MORC1: variants seen among roughly 807,000 people sequenced by gnomAD.
MORC1 encodes MORC family CW-type zinc finger protein 1.
A neutral mutation model predicts 134.9 loss-of-function variants in MORC1; 59 were observed. The observed-to-expected ratio is 0.44, with a 90% CI of 0.35 to 0.54. The LOEUF is 0.54. Ranked by LOEUF, MORC1 falls within the 20% of genes least tolerant of loss-of-function variation. The pLI, the probability that MORC1 is intolerant of heterozygous loss-of-function variation, is 0.00. For missense variants in MORC1, 947 were observed against 1,134.5 expected, an observed-to-expected ratio of 0.83 and a Z score of 2.37; for synonymous variants, 395 against 391.7, an observed-to-expected ratio of 1.01 and a Z score of -0.10.
At chr3:109,002,268 G>T (rs894919785) in intron 20 of MORC1, among the ~76,000 whole-genome samples, 1 of 152,206 alleles carries the variant, frequency 6.6e-6, no homozygotes, top group Non-Finnish European at 1.5e-5. Context: ...ACACAACGCA[G>T]TCAGGCACTA....
rs779552576 is a variant in MORC1 at position 109,114,366 on chromosome 3, T to A, written c.119+18A>T. 4 of 1,599,736 alleles carry A rather than the reference T, an allele frequency of 2.5e-6. No individual in the cohort carries two copies. The highest frequency in any genetic ancestry group is 4.5e-5 in the East Asian group (2 of 44,586). ...CATGAAATTCCCTCAGTAACTGTTGTTTACAGATAAACCTTACCTTGCATT... is the reference window on the plus strand; with the variant it reads ...CATGAAATTCCCTCAGTAACTGTTGATTACAGATAAACCTTACCTTGCATT... On this transcript the variant is annotated intron_variant, in intron 2 of 27. Transcript: ENST00000232603.
At chr3:109,001,629 C>G (rs1426609864) in intron 20 of MORC1, among the ~76,000 whole-genome samples, 1 of 152,206 alleles carries the variant, frequency 6.6e-6, no homozygotes, top group Non-Finnish European at 1.5e-5. Context: ...GGTTTCTTCT[C>G]TTACTGCTCT....
At chr3:108,976,035 ATC>A (rs976138746) in intron 24 of MORC1, among the ~76,000 whole-genome samples, 5 of 152,190 alleles carry the variant, frequency 3.3e-5, no homozygotes, top group Admixed American at 2.0e-4. Flanking sequence ...TGACAATTCA[ATC>A]TGTTTTCAAA....
chr3:109,073,597 G>A (rs776455725), intron 8 of MORC1, among the ~76,000 whole-genome samples: 1 of 152,026 alleles, frequency 6.6e-6, no homozygotes, highest in Non-Finnish European at 1.5e-5. Context: ...CCCAACAACT[G>A]GGCTACTTTT....
chr3:109,099,692 G>A (rs1252913790), intron 5 of MORC1, among the ~76,000 whole-genome samples: 1 of 151,952 alleles, frequency 6.6e-6, no homozygotes, highest in Non-Finnish European at 1.5e-5. Flanking sequence ...AGGGGAAAGG[G>A]TCCATTCAGG....
At chr3:109,106,625 C>T (rs1377963220) in intron 3 of MORC1, among the ~76,000 whole-genome samples, 2 of 152,172 alleles carry the variant, frequency 1.3e-5, no homozygotes, top group Non-Finnish European at 2.9e-5. Flanking sequence ...TTCAGCTGTG[C>T]AAGTCAAAAC....
chr3:109,045,082 C>T (rs1949660745), intron 14 of MORC1, among the ~76,000 whole-genome samples: 1 of 152,056 alleles, frequency 6.6e-6, no homozygotes, highest in South Asian at 2.1e-4. Context: ...TAAACTACCA[C>T]AGCAAAGCTT....
intron 14 of MORC1, among the ~76,000 whole-genome samples, chr3:109,050,284 A>C (rs1034415097): frequency 1.3e-5 from 2 of 152,230 alleles, no homozygotes; most frequent in Admixed American, 6.5e-5. Flanking sequence ...CTATAGACTA[A>C]GTGGCTTATA....
intron 14 of MORC1, among the ~76,000 whole-genome samples, chr3:109,037,333 C>A (rs1949402470): frequency 6.6e-6 from 1 of 152,202 alleles, no homozygotes; most frequent in African/African-American, 2.4e-5. Flanking sequence ...GTGGAACTGT[C>A]TTGGTTCATC....
intron 3 of MORC1, among the ~76,000 whole-genome samples, chr3:109,108,423 G>A (rs1226508596): frequency 6.6e-6 from 1 of 152,020 alleles, no homozygotes; most frequent in Non-Finnish European, 1.5e-5. Context: ...CATGTGCTCT[G>A]AATGAAAGGC....
At chr3:109,114,466 A>G (rs1477298555) in intron 1 of MORC1, 29 bp from the exon 2 acceptor site, 1 of 1,590,884 alleles carries the variant, frequency 6.3e-7, no homozygotes, top group Admixed American at 1.7e-5. Context: ...GAAAACAAAA[A>G]GTTAAACCAG....
At chr3:108,985,276 T>C (rs774075991) in intron 22 of MORC1, among the ~76,000 whole-genome samples, 20 of 152,342 alleles carry the variant, frequency 1.3e-4, no homozygotes, top group Non-Finnish European at 1.3e-4. Context: ...CTCAGAATTA[T>C]AGGTTCACAG....
intron 16 of MORC1, 142 bp from the exon 17 acceptor site, chr3:109,028,031 C>T (rs186425930): frequency 2.0e-5 from 18 of 906,422 alleles, no homozygotes; most frequent in Admixed American, 3.0e-5. Context: ...GCATTGTATC[C>T]GTGGCTTTCG....
chr3:109,008,041 G>A (rs907897020), intron 17 of MORC1, among the ~76,000 whole-genome samples: 1 of 151,944 alleles, frequency 6.6e-6, no homozygotes, highest in Admixed American at 6.6e-5. Flanking sequence ...GGTCTGAATT[G>A]TTGAATCGTG....
At chr3:109,085,503 G>C (rs1262882801) in intron 8 of MORC1, among the ~76,000 whole-genome samples, 1 of 152,044 alleles carries the variant, frequency 6.6e-6, no homozygotes, top group Non-Finnish European at 1.5e-5. Flanking sequence ...AAGGTATATG[G>C]AAAAATGCTC....
At chr3:109,019,822 G>T (rs1948913042) in intron 17 of MORC1, among the ~76,000 whole-genome samples, 2 of 152,260 alleles carry the variant, frequency 1.3e-5, no homozygotes, top group African/African-American at 4.8e-5. Context: ...TTCTCGTTAG[G>T]TTCCTACAGT....
intron 16 of MORC1, among the ~76,000 whole-genome samples, chr3:109,029,842 T>C (rs1442778260): frequency 6.6e-6 from 1 of 152,142 alleles, no homozygotes; most frequent in Non-Finnish European, 1.5e-5. Flanking sequence ...CAACAGACAA[T>C]GTGATAAGGC....
At chr3:109,085,066 T>A (rs765398660) in intron 8 of MORC1, among the ~76,000 whole-genome samples, 1 of 151,894 alleles carries the variant, frequency 6.6e-6, no homozygotes, top group African/African-American at 2.4e-5. Context: ...CTAGAAAACA[T>A]TGGGGAAACT....
chr3:109,054,230 G>A (rs1949900698), intron 14 of MORC1, among the ~76,000 whole-genome samples: 2 of 150,678 alleles, frequency 1.3e-5, no homozygotes, highest in African/African-American at 4.9e-5. Flanking sequence ...GCAGTGAGCC[G>A]AGATTGCATC....
Sources: allele counts gnomAD v4.1 joint callset (sites outside exome capture counted in the v4.1 genomes callset), GRCh38; gene constraint gnomAD v4.1.1; transcripts MANE v1.5; gene names NCBI Gene and HGNC (gene_info 2026-07-23, HGNC 2026-07-21).